The following MDGA2 variants were observed in gnomAD, a reference collection of about 807,000 sequenced individuals.
MDGA2 encodes MAM domain containing glycosylphosphatidylinositol anchor 2, also known as MAM domain-containing glycosylphosphatidylinositol anchor protein 2.
In MDGA2, 40 loss-of-function variants were observed where a neutral mutation model predicts 117.8. The observed-to-expected ratio is 0.34, with a 90% CI of 0.26 to 0.44. The LOEUF is 0.44. Among genes scored for constraint, MDGA2 ranks in the 20% least tolerant of loss-of-function variants. MDGA2 has a pLI of 1.00. For synonymous variants in MDGA2, 452 were observed against 439.0 expected (o/e 1.03, Z -0.37); for missense variants, 1,123 against 1,250.6 (o/e 0.90, Z 1.54).
At chr14:47,099,639 T>C (rs1478827118) in intron 5 of MDGA2, among the ~76,000 whole-genome samples, 2 of 151,910 alleles carry the variant, frequency 1.3e-5, no homozygotes, top group Non-Finnish European at 2.9e-5. Flanking sequence ...AAGTATTATA[T>C]AATGTGATAG....
At chr14:47,130,520 C>T (rs1382422870) in intron 5 of MDGA2, among the ~76,000 whole-genome samples, 4 of 151,996 alleles carry the variant, frequency 2.6e-5, no homozygotes, top group Admixed American at 1.3e-4. Context: ...CTTGGCAACT[C>T]GATGGAACAC....
chr14:47,159,785 AT>A (rs1216782789), intron 3 of MDGA2, among the ~76,000 whole-genome samples: 3 of 152,182 alleles, frequency 2.0e-5, no homozygotes, highest in Admixed American at 2.0e-4. Context: ...TCCTTTGTCT[AT>A]TTTTATCCTG....
At chr14:47,129,737 A>C (rs56179102) in intron 5 of MDGA2, among the ~76,000 whole-genome samples, 36,753 of 138,674 alleles carry the variant, frequency 0.27, 4,129 homozygotes, top group South Asian at 0.43. Flanking sequence ...ATTTCTCCAC[A>C]TCCTCTCCAG....
At chr14:47,343,568 A>C (rs2138330402) in intron 1 of MDGA2, among the ~76,000 whole-genome samples, 1 of 152,290 alleles carries the variant, frequency 6.6e-6, no homozygotes, top group Admixed American at 6.5e-5. Flanking sequence ...TAACTGCCAC[A>C]GAGTAAAAAT....
intron 1 of MDGA2, among the ~76,000 whole-genome samples, chr14:47,441,875 A>G (rs1893019274): frequency 6.6e-6 from 1 of 152,208 alleles, no homozygotes; most frequent in Admixed American, 6.5e-5. Context: ...AGCTGCCACA[A>G]TGTATCTTGG....
At chr14:47,081,592 T>C (rs966168131) in intron 6 of MDGA2, among the ~76,000 whole-genome samples, 3 of 152,150 alleles carry the variant, frequency 2.0e-5, no homozygotes, top group Non-Finnish European at 4.4e-5. Context: ...AATACTATTA[T>C]GAGCTTACTT....
chr14:47,344,499 C>T (rs2138332974), intron 1 of MDGA2, among the ~76,000 whole-genome samples: 1 of 152,112 alleles, frequency 6.6e-6, no homozygotes, highest in East Asian at 1.9e-4. Flanking sequence ...TGTATGATGG[C>T]TAATAACAAT....
chr14:46,939,679 C>T (rs555440157), intron 9 of MDGA2, among the ~76,000 whole-genome samples: 164 of 152,302 alleles, frequency 1.1e-3, no homozygotes, highest in Non-Finnish European at 1.9e-3. Flanking sequence ...CCATGCTAAT[C>T]AACTTGCATA....
chr14:47,104,407 C>T (rs1183511341), intron 5 of MDGA2, among the ~76,000 whole-genome samples: 5 of 148,344 alleles, frequency 3.4e-5, no homozygotes, highest in Admixed American at 6.7e-5. Flanking sequence ...CCTGGCTCAT[C>T]CTGGCTCAAA....
chr14:46,892,822 T>C (rs1443240290), intron 10 of MDGA2, among the ~76,000 whole-genome samples: 1 of 151,952 alleles, frequency 6.6e-6, no homozygotes, highest in Non-Finnish European at 1.5e-5. Flanking sequence ...CTTACATCTG[T>C]TGGCATGACT....
intron 1 of MDGA2, among the ~76,000 whole-genome samples, chr14:47,436,185 A>G (rs4638483): frequency 0.4 from 60,618 of 151,916 alleles, 12,256 homozygotes; most frequent in South Asian, 0.57. Context: ...TCATTTCTCA[A>G]TTTGAGAAGT....
intron 1 of MDGA2, among the ~76,000 whole-genome samples, chr14:47,545,334 T>C (rs950965110): frequency 5.9e-5 from 9 of 152,192 alleles, no homozygotes; most frequent in Non-Finnish European, 1.2e-4. Flanking sequence ...ACACACACTT[T>C]CACTAAAGAG....
chr14:46,959,631 T>G (rs1014857363), intron 8 of MDGA2, among the ~76,000 whole-genome samples: 1 of 152,178 alleles, frequency 6.6e-6, no homozygotes, highest in African/African-American at 2.4e-5. Flanking sequence ...AAATTTACTG[T>G]AACATTATTT....
intron 2 of MDGA2, among the ~76,000 whole-genome samples, chr14:47,276,006 C>G (rs929490717): frequency 2.0e-5 from 3 of 152,050 alleles, no homozygotes; most frequent in African/African-American, 7.2e-5. Flanking sequence ...CTGTGACTTT[C>G]CTGGATGAAG....
intron 6 of MDGA2, among the ~76,000 whole-genome samples, chr14:47,079,938 A>C (rs1890646442): frequency 6.6e-6 from 1 of 151,826 alleles, no homozygotes; most frequent in African/African-American, 2.4e-5. Context: ...TCACCGTGTT[A>C]GTCAGGATGG....
At chr14:46,961,534 G>A (rs1429527833) in intron 8 of MDGA2, among the ~76,000 whole-genome samples, 1 of 151,916 alleles carries the variant, frequency 6.6e-6, no homozygotes, top group Non-Finnish European at 1.5e-5. Flanking sequence ...TTTCTGTATA[G>A]TTATTTTGTA....
chr14:47,484,275 C>T (rs563588425), intron 1 of MDGA2, among the ~76,000 whole-genome samples: 197 of 152,064 alleles, frequency 1.3e-3, no homozygotes, highest in South Asian at 4.6e-3. Flanking sequence ...ATTACTTCCA[C>T]GGACACAACT....
At chr14:46,995,369 G>A (rs968041894) in intron 8 of MDGA2, among the ~76,000 whole-genome samples, 2 of 152,044 alleles carry the variant, frequency 1.3e-5, no homozygotes, top group African/African-American at 4.8e-5. Flanking sequence ...GCAGACCAAA[G>A]TTTAAGAACT....
chr14:47,007,121 G>A (rs1887739813), intron 8 of MDGA2, among the ~76,000 whole-genome samples: 1 of 151,778 alleles, frequency 6.6e-6, no homozygotes, highest in Admixed American at 6.6e-5. Flanking sequence ...TATGGAATTT[G>A]TATCATATAA....
Sources: allele counts gnomAD v4.1 joint callset (sites outside exome capture counted in the v4.1 genomes callset), GRCh38; gene constraint gnomAD v4.1.1; transcripts MANE v1.5; gene names NCBI Gene and HGNC (gene_info 2026-07-23, HGNC 2026-07-21).